ZNF423: variants seen among roughly 807,000 people sequenced by gnomAD.
ZNF423 encodes the protein zinc finger protein 423, also known as Ebf-associated zinc finger protein.
In ZNF423, 12 loss-of-function variants were observed where a neutral mutation model predicts 95.8. That is an observed-to-expected ratio of 0.13 (90% CI 0.08 to 0.20). The LOEUF is 0.20. ZNF423 is among the 10% of genes least tolerant of loss of function. The pLI is 1.00. For synonymous variants in ZNF423, 749 were observed against 711.9 expected, an observed-to-expected ratio of 1.05 and a Z score of -0.83; for missense variants, 1,316 against 1,737.1, an observed-to-expected ratio of 0.76 and a Z score of 4.31.
chr16:49,521,728 G>A (rs1243022371), intron 7 of ZNF423, among the ~76,000 whole-genome samples: 1 of 152,250 alleles, frequency 6.6e-6, no homozygotes, highest in Non-Finnish European at 1.5e-5. Flanking sequence ...AGCACCGTAA[G>A]GATGAAAAGA....
intron 5 of ZNF423, among the ~76,000 whole-genome samples, chr16:49,548,151 C>T (rs959164451): frequency 2.6e-5 from 4 of 152,150 alleles, no homozygotes; most frequent in Non-Finnish European, 5.9e-5. Flanking sequence ...CCTCACCCGA[C>T]CTCACCCAGT....
chr16:49,721,618 C>G (rs538635727), intron 3 of ZNF423, among the ~76,000 whole-genome samples: 18 of 152,278 alleles, frequency 1.2e-4, no homozygotes, highest in African/African-American at 4.1e-4. Context: ...ATCCCAGGGG[C>G]TTTGTACAGC....
intron 1 of ZNF423, chr16:49,822,813 A>T: frequency 8.4e-7 from 1 of 1,189,898 alleles, no homozygotes; most frequent in Middle Eastern, 2.2e-4. Flanking sequence ...TAACACTTGT[A>T]TACCCATTTG....
chr16:49,631,582 T>G (rs1972500078), intron 4 of ZNF423, among the ~76,000 whole-genome samples: 1 of 152,138 alleles, frequency 6.6e-6, no homozygotes, highest in Non-Finnish European at 1.5e-5. Context: ...TGGCCAGGGC[T>G]GCCTCCCCCA....
At position 49,491,242 on chromosome 16, in the gene ZNF423, C is replaced by A. The variant is rs776683301; in HGVS notation, c.*33G>T. 3 of 1,614,014 alleles carry A rather than the reference C, an allele frequency of 1.9e-6. No individual in the cohort carries two copies. Among genetic ancestry groups the A allele is most frequent in the Non-Finnish European group, 2.5e-6 (3 of 1,179,956 alleles). ...CCTCCCCACGGCGTCTCCGGCAAGC[C>A]TTCTGCGGAGAGGTGTCCTGTTGAG... is the stretch of plus-strand genomic sequence containing the variant. On this transcript the variant is annotated 3_prime_UTR_variant, in exon 8 of 8. Transcript: ENST00000563137.
At chr16:49,758,743 A>AG (rs2033772984) in intron 2 of ZNF423, among the ~76,000 whole-genome samples, 1 of 152,188 alleles carries the variant, frequency 6.6e-6, no homozygotes, top group Non-Finnish European at 1.5e-5. Context: ...CTCCAAAAAA[A>AG]GTAAAATAAT....
At chr16:49,575,554 A>G (rs1224847452) in intron 5 of ZNF423, among the ~76,000 whole-genome samples, 2 of 152,176 alleles carry the variant, frequency 1.3e-5, no homozygotes, top group East Asian at 3.9e-4. Flanking sequence ...TCAGCAGCAC[A>G]GGGAGATAGG....
chr16:49,590,412 C>T (rs752086378), intron 5 of ZNF423, among the ~76,000 whole-genome samples: 2 of 152,104 alleles, frequency 1.3e-5, no homozygotes, highest in African/African-American at 2.4e-5. Flanking sequence ...GCAGGCATCA[C>T]GGCTGCTTCG....
intron 4 of ZNF423, among the ~76,000 whole-genome samples, chr16:49,630,397 G>A (rs1972456867): frequency 6.6e-6 from 1 of 152,142 alleles, no homozygotes; most frequent in African/African-American, 2.4e-5. Flanking sequence ...TTTGGTGGTT[G>A]AATGAATGAA....
chr16:49,857,867 G>T (rs542049789), upstream of ZNF423: 1 of 152,242 alleles, frequency 6.6e-6, no homozygotes. The surrounding 1 kb of genome is among the most constrained non-coding windows in gnomAD (Gnocchi z 6.2). Flanking sequence ...CTCCTGAACC[G>T]GCTGAGACTC....
chr16:49,489,030 C>T lies in ZNF423; in HGVS notation c.*2245G>A, dbSNP rs1382615790. 2.6e-5 allele frequency: 4 copies of T among 152,362 alleles called. No individual in the cohort carries two copies. In the East Asian group the frequency reaches 5.8e-4, roughly 22 times the overall value. The allele number at this position is 152,362 out of a possible 1,614,324, so 9.4% of individuals were successfully genotyped here. A position where few individuals can be genotyped will look rare whatever the true frequency, so the allele number is the denominator to read the frequency against. ...CTCTCTCCTTACCCAAGGCATCAGC[C>T]GGCTTCGCTGCTGATTCCCACATGG... On this transcript the variant is annotated 3_prime_UTR_variant, in exon 8 of 8. Coordinates refer to ENST00000563137, the MANE Select transcript of ZNF423 (RefSeq NM_001379286.1).
At chr16:49,590,674 T>C in intron 5 of ZNF423, among the ~76,000 whole-genome samples, 1 of 152,076 alleles carries the variant, frequency 6.6e-6, no homozygotes, top group South Asian at 2.1e-4. Context: ...AAGCGTCTGT[T>C]TCAAGGTGAC....
intron 3 of ZNF423, among the ~76,000 whole-genome samples, chr16:49,674,586 T>C (rs2030966489): frequency 6.6e-6 from 1 of 152,140 alleles, no homozygotes; most frequent in Non-Finnish European, 1.5e-5. Context: ...GGAACAGAGA[T>C]GTGAACAAAG....
chr16:49,603,372 A>G lies in ZNF423; in HGVS notation c.3601+22798T>C, dbSNP rs1971437077. On this transcript the variant is annotated intron_variant, in intron 5 of 7. Coordinates refer to ENST00000563137, the MANE Select transcript of ZNF423 (RefSeq NM_001379286.1). This position sits in a 1 kb window ranked among gnomAD's most constrained non-coding sequence, Gnocchi z 4.1. ...GTCACACAGGTTCCTGAATTTAGAA[A>G]AGCCCAGCATATGGTTTTATACCCT... 6.6e-6 allele frequency among the ~76,000 whole-genome samples: 1 copy of G among 152,102 alleles called. No individual in the cohort carries two copies. The highest frequency in any genetic ancestry group is 1.5e-5 in the Non-Finnish European group (1 of 68,022).
At chr16:49,694,742 T>C (rs2045653719) in intron 3 of ZNF423, among the ~76,000 whole-genome samples, 1 of 152,236 alleles carries the variant, frequency 6.6e-6, no homozygotes, top group African/African-American at 2.4e-5. Context: ...TGATGCCCTC[T>C]GGCCAGGGCA....
intron 5 of ZNF423, among the ~76,000 whole-genome samples, chr16:49,531,404 C>T (rs1968841197): frequency 6.6e-6 from 1 of 151,922 alleles, no homozygotes; most frequent in South Asian, 2.1e-4. Context: ...CTCATCCAGG[C>T]AAATCTTGCC....
At chr16:49,702,737 A>G (rs1326448023) in intron 3 of ZNF423, among the ~76,000 whole-genome samples, 7 of 152,220 alleles carry the variant, frequency 4.6e-5, no homozygotes, top group Non-Finnish European at 5.9e-5. Flanking sequence ...CCAGAGATGG[A>G]TGGAAATGTA....
chr16:49,744,562 G>A (rs976966741), intron 2 of ZNF423, among the ~76,000 whole-genome samples: 1 of 152,200 alleles, frequency 6.6e-6, no homozygotes, highest in Non-Finnish European at 1.5e-5. Context: ...CGGGGTTGGG[G>A]TGTACCCAGC....
chr16:49,787,445 C>G (rs772369988), intron 2 of ZNF423, among the ~76,000 whole-genome samples: 1 of 152,104 alleles, frequency 6.6e-6, no homozygotes, highest in African/African-American at 2.4e-5. Context: ...GGCACCGTGG[C>G]GAGCCACGGC....
Sources: allele counts gnomAD v4.1 joint callset (sites outside exome capture counted in the v4.1 genomes callset), GRCh38; gene constraint gnomAD v4.1.1; non-coding constraint Gnocchi (gnomAD v3.1); transcripts MANE v1.5; gene names NCBI Gene and HGNC (gene_info 2026-07-23, HGNC 2026-07-21).